UMODL1: variants seen among roughly 807,000 people sequenced by gnomAD.
UMODL1 encodes uromodulin-like 1.
A neutral mutation model predicts 136.3 loss-of-function variants in UMODL1; 128 were observed. The ratio of observed to expected loss-of-function variants is 0.94; its 90% confidence interval spans 0.81 to 1.09. The LOEUF (loss-of-function observed/expected upper bound fraction) is 1.09, where lower values mean the gene tolerates loss of function less well. Among genes scored for constraint, UMODL1 ranks in the 50% least tolerant of loss-of-function variants. The pLI, the probability that UMODL1 is intolerant of heterozygous loss-of-function variation, is 0.00. For missense variants in UMODL1, 1,766 were observed against 1,725.6 expected (o/e 1.02, Z -0.41); for synonymous variants, 721 against 720.0 (o/e 1.00, Z -0.02).
rs115916810 is a variant in UMODL1, at chr21:42,110,294, C to T, written c.1658-586C>T. On this transcript the variant is annotated intron_variant, in intron 10 of 22. Coordinates refer to ENST00000408910, the MANE Select transcript of UMODL1 (RefSeq NM_001004416.3). ...CAGTGACTGATTAGCAATGTCGGCC[C>T]GGACACAGGCGTGGCAGAGGCGCCC... Among the ~76,000 whole-genome samples, 354 of 152,344 alleles carry T rather than the reference C, an allele frequency of 2.3e-3. 1 individual carries two copies. The highest frequency in any genetic ancestry group is 7.8e-3 in the African/African-American group (324 of 41,570).
intron 2 of UMODL1, among the ~76,000 whole-genome samples, chr21:42,083,125 G>A (rs1438665182): frequency 1.3e-5 from 2 of 152,226 alleles, no homozygotes; most frequent in African/African-American, 2.4e-5. Context: ...CTGGGGAGCT[G>A]TGCAGCCAAC....
At chr21:42,106,741 G>A (rs1285673965) in intron 9 of UMODL1, among the ~76,000 whole-genome samples, 1 of 152,234 alleles carries the variant, frequency 6.6e-6, no homozygotes. Context: ...CCCATAGGAA[G>A]AGGTTAGAGT....
chr21:42,102,232 G>T lies in UMODL1; in HGVS notation c.1253G>T (p.Arg418Leu), dbSNP rs1164272674. 6.2e-7 allele frequency: 1 copy of T among 1,613,558 alleles called. No individual in the cohort carries two copies. Among genetic ancestry groups the T allele is most frequent in the Non-Finnish European group, 8.5e-7 (1 of 1,179,758 alleles). ...AACCTGACGGAGAAGTTACTCAACC[G>T]CAGCAGTGTGGAGTACCAGGACTTT... ...NHNLTEKLLN[R>L]SSVEYQDFSR... Residue 418 changes from arginine (R) to leucine (L), a missense_variant, in exon 8 of 23, where the codon CGC becomes CTC. Physicochemically the swap from Arg to Leu is moderately radical, Grantham distance 102. Coordinates refer to ENST00000408910, the MANE Select transcript of UMODL1 (RefSeq NM_001004416.3).
At chr21:42,089,378 G>C (rs1287814912) in intron 5 of UMODL1, among the ~76,000 whole-genome samples, 1 of 152,132 alleles carries the variant, frequency 6.6e-6, no homozygotes, top group Non-Finnish European at 1.5e-5. Flanking sequence ...GCAGAACCAA[G>C]CTGCATTGCT....
At chr21:42,115,110 C>A (rs553053268) in intron 13 of UMODL1, among the ~76,000 whole-genome samples, 1 of 152,346 alleles carries the variant, frequency 6.6e-6, no homozygotes, top group South Asian at 2.1e-4. Context: ...ACTCTAAGCC[C>A]CCTGAGGGGA....
chr21:42,096,092 A>G (rs921608874), intron 6 of UMODL1, among the ~76,000 whole-genome samples: 2 of 152,158 alleles, frequency 1.3e-5, no homozygotes, highest in African/African-American at 4.8e-5. Context: ...CTGGGTGCAT[A>G]GTAGAAGCTC....
intron 21 of UMODL1, among the ~76,000 whole-genome samples, chr21:42,130,067 A>G (rs910909199): frequency 1.3e-5 from 2 of 152,224 alleles, no homozygotes; most frequent in African/African-American, 4.8e-5. Context: ...CTACAGATGA[A>G]AAGACTGAGG....
chr21:42,069,128 G>T (rs2066207130), upstream of UMODL1, among the ~76,000 whole-genome samples: 1 of 151,980 alleles, frequency 6.6e-6, no homozygotes, highest in Admixed American at 6.6e-5. Context: ...GTGTTTACAT[G>T]GACAGGGCAA....
chr21:42,135,695 G>A (rs1294261287), intron 21 of UMODL1, among the ~76,000 whole-genome samples: 1 of 152,164 alleles, frequency 6.6e-6, no homozygotes, highest in African/African-American at 2.4e-5. Flanking sequence ...GTGGCCGGCC[G>A]GGATCTGGGG....
At chr21:42,131,885 A>G (rs1257947291) in intron 21 of UMODL1, among the ~76,000 whole-genome samples, 1 of 152,178 alleles carries the variant, frequency 6.6e-6, no homozygotes, top group East Asian at 1.9e-4. Flanking sequence ...GGGTCAGCCT[A>G]TTTCTTTCAC....
intron 21 of UMODL1, among the ~76,000 whole-genome samples, chr21:42,134,461 A>G (rs220168): frequency 0.48 from 72,324 of 151,962 alleles, 17,595 homozygotes; most frequent in Middle Eastern, 0.52. Context: ...GGAGTGCTCA[A>G]TGTCCCAGCA....
chr21:42,064,344 G>T (rs933945975), intron 1 of UMODL1, among the ~76,000 whole-genome samples: 3 of 152,188 alleles, frequency 2.0e-5, no homozygotes, highest in Non-Finnish European at 4.4e-5. Flanking sequence ...GACGGCCTCC[G>T]AACTGGAACA....
At position 42,127,851 on chromosome 21, in the gene UMODL1, C is replaced by T. The variant is rs1265789926; in HGVS notation, c.3690+20C>T. ...AAAATCGTAAGTGTTTTTTGGTTTT[C>T]TAAACGTTTGGTTGGATTCACGTTC... On this transcript the variant is annotated intron_variant, in intron 20 of 22. Transcript: ENST00000408910. 6.2e-7 allele frequency: 1 copy of T among 1,608,590 alleles called. No individual in the cohort carries two copies. The highest frequency in any genetic ancestry group is 8.5e-7 in the Non-Finnish European group (1 of 1,177,796).
Position 42,121,140 on chromosome 21 carries a change from C to A in UMODL1, c.2743C>A (p.Arg915=). The A allele has an allele frequency of 6.2e-7, 1 of 1,614,106 alleles. No homozygotes were observed. Among genetic ancestry groups the A allele is most frequent in the Non-Finnish European group, 8.5e-7 (1 of 1,179,992 alleles). The part of the protein sequence containing the change: ...EDDCVPGTSC[R]NTLGSFTCSC... ...CGACTGTGTGCCGGGGACATCCTGTCGAAACACCCTCGGGTCTTTCACTTG... is the reference window on the plus strand; with the variant it reads ...CGACTGTGTGCCGGGGACATCCTGTAGAAACACCCTCGGGTCTTTCACTTG... Residue 915 remains arginine, a synonymous_variant, in exon 16 of 23, where the codon CGA becomes AGA. Transcript: ENST00000408910.
intron 14 of UMODL1, among the ~76,000 whole-genome samples, chr21:42,118,625 G>A (rs1332135672): frequency 6.6e-6 from 1 of 152,128 alleles, no homozygotes; most frequent in Non-Finnish European, 1.5e-5. Context: ...GAGAGGTAGG[G>A]AGGAAGAATG....
upstream of UMODL1, among the ~76,000 whole-genome samples, chr21:42,070,782 C>T (rs769795630): frequency 3.3e-5 from 5 of 152,200 alleles, no homozygotes; most frequent in South Asian, 2.1e-4. Context: ...GCCCAAGCTC[C>T]GGGAGGAGAG....
At position 42,122,674 on chromosome 21, in the gene UMODL1, TG is replaced by T. The variant is rs2066991440; in HGVS notation, c.2828-156del. On this transcript the variant is annotated intron_variant, in intron 16 of 22. Transcript: ENST00000408910. This position sits in a 1 kb window ranked among gnomAD's most constrained non-coding sequence, Gnocchi z 4.3. Reference sequence around the variant, plus strand: ...GTGCATATGTGTGCGTGTGTGTGTGTGTGTGTGCACGTGTGTAGTTGTGGCT... The same window carrying T: ...GTGCATATGTGTGCGTGTGTGTGTGTTGTGTGCACGTGTGTAGTTGTGGCT... 1.3e-5 allele frequency among the ~76,000 whole-genome samples: 2 copies of T among 151,432 alleles called. No homozygotes were observed. Among genetic ancestry groups the T allele is most frequent in the Admixed American group, 6.6e-5 (1 of 15,180 alleles).
At chr21:42,113,503 A>G (rs2146509999) in intron 12 of UMODL1, 70 bp from the exon 13 acceptor site, 3 of 1,543,270 alleles carry the variant, frequency 1.9e-6, no homozygotes, top group Non-Finnish European at 2.6e-6. Flanking sequence ...GATTTTTGGC[A>G]TTGGGCGAGG....
chr21:42,113,797 G>A lies in UMODL1; in HGVS notation c.2329G>A (p.Glu777Lys), dbSNP rs1231070952. 6.2e-7 allele frequency: 1 copy of A among 1,614,068 alleles called. No individual in the cohort carries two copies. Among genetic ancestry groups the A allele is most frequent in the Non-Finnish European group, 8.5e-7 (1 of 1,180,014 alleles). ...VEIMAKACGKEGARAHLKVRT... is the reference protein window; with the variant it reads ...VEIMAKACGKKGARAHLKVRT... The stretch of plus-strand genomic sequence containing the variant: ...GATCATGGCCAAAGCATGTGGGAAA[G>A]AAGGTGCCAGAGCTCATCTGAAAGT... Residue 777 changes from glutamate to lysine, a missense_variant, in exon 13 of 23, where the codon GAA becomes AAA. By Grantham distance (56) the Glu-to-Lys change is moderately conservative (BLOSUM62 1). Transcript: ENST00000408910.
Sources: gnomAD v4.1 joint callset for allele counts (sites outside exome capture counted in the v4.1 genomes callset) on GRCh38, gnomAD v4.1.1 for gene constraint, Gnocchi (gnomAD v3.1) non-coding constraint, MANE v1.5 for transcripts, NCBI Gene and HGNC (gene_info 2026-07-23, HGNC 2026-07-21) for gene names.